DEPTOR: variants seen among roughly 807,000 people sequenced by gnomAD.
DEPTOR encodes the protein DEP domain containing MTOR interacting protein.
In DEPTOR, 41 loss-of-function variants were observed where a neutral mutation model predicts 41.6. That is an observed-to-expected ratio of 0.98 (90% CI 0.77 to 1.28). The LOEUF (loss-of-function observed/expected upper bound fraction) is 1.28, where lower values mean the gene tolerates loss of function less well. Ranked by LOEUF, DEPTOR falls within the 50% of genes most tolerant of loss-of-function variation. The pLI, the probability that DEPTOR is intolerant of heterozygous loss-of-function variation, is 0.00. For synonymous variants in DEPTOR, 195 were observed against 192.3 expected (o/e 1.01, Z -0.12); for missense variants, 514 against 527.9 (o/e 0.97, Z 0.26).
chr8:119,916,308 T>A (rs1000048898), intron 1 of DEPTOR, among the ~76,000 whole-genome samples: 2 of 130,958 alleles, frequency 1.5e-5, no homozygotes, highest in Non-Finnish European at 1.6e-5. Flanking sequence ...TTTTTAGAAA[T>A]GGGGGTTTCA....
chr8:120,006,158 T>A (rs1295938485), intron 6 of DEPTOR, among the ~76,000 whole-genome samples: 1 of 152,162 alleles, frequency 6.6e-6, no homozygotes, highest in African/African-American at 2.4e-5. Context: ...CTCTAGCATA[T>A]GTTGAGTACT....
At chr8:120,017,839 C>A (rs1812636488) in intron 8 of DEPTOR, among the ~76,000 whole-genome samples, 1 of 152,126 alleles carries the variant, frequency 6.6e-6, no homozygotes, top group Non-Finnish European at 1.5e-5. Context: ...TACCCTGTGC[C>A]AAGTCTCAGA....
At chr8:120,002,388 T>A (rs777384444) in intron 5 of DEPTOR, among the ~76,000 whole-genome samples, 3 of 152,102 alleles carry the variant, frequency 2.0e-5, no homozygotes, top group Non-Finnish European at 2.9e-5. Flanking sequence ...TTCTCCTGCC[T>A]TGGCATCCCA....
At chr8:119,908,424 A>G (rs892982388) in intron 1 of DEPTOR, among the ~76,000 whole-genome samples, 1 of 152,216 alleles carries the variant, frequency 6.6e-6, no homozygotes, top group Non-Finnish European at 1.5e-5. Flanking sequence ...CCCTGGTAGT[A>G]CAAAAAATGA....
chr8:119,887,863 C>T (rs1375926972), intron 1 of DEPTOR, among the ~76,000 whole-genome samples: 12 of 152,002 alleles, frequency 7.9e-5, no homozygotes, highest in Middle Eastern at 3.4e-3. Context: ...CTCTGTCACC[C>T]GGGCTGGAGT....
chr8:120,021,724 T>C (rs915541161), intron 8 of DEPTOR, among the ~76,000 whole-genome samples: 2 of 152,152 alleles, frequency 1.3e-5, no homozygotes, highest in Admixed American at 1.3e-4. Context: ...TAAGTAGCAA[T>C]AATAATTGCT....
rs751500146 is a variant in DEPTOR, at chr8:119,929,956, T to TC, written c.425+24dup. ...TATGAAAAGTATGTTCCGCATGAAA[T>TC]CCCCCCTGTAATCTTGACTTATAGA... On this transcript the variant is annotated intron_variant, in intron 3 of 8. Transcript: ENST00000286234. 6 of 1,602,154 alleles carry TC rather than the reference T, an allele frequency of 3.7e-6. No individual in the cohort carries two copies. The highest frequency in any genetic ancestry group is 1.7e-4 in the Middle Eastern group (1 of 6,032).
chr8:119,926,288 G>A (rs987128893), intron 1 of DEPTOR, among the ~76,000 whole-genome samples: 1 of 152,048 alleles, frequency 6.6e-6, no homozygotes, highest in Non-Finnish European at 1.5e-5. Flanking sequence ...TGATGATTCA[G>A]GTGCTCTAAA....
chr8:119,887,135 C>CCCTCCCCCCCT (rs1827376622), intron 1 of DEPTOR, among the ~76,000 whole-genome samples: 1 of 25,986 alleles, frequency 3.8e-5, no homozygotes, highest in Non-Finnish European at 6.4e-5. Flanking sequence ...CCTCCCCCCC[C>CCCTCCCCCCCT]CCTCCCCTCC....
chr8:119,901,055 G>C (rs895574364), intron 1 of DEPTOR, among the ~76,000 whole-genome samples: 5 of 152,160 alleles, frequency 3.3e-5, no homozygotes, highest in Admixed American at 3.3e-4. Context: ...GGAAGACTCA[G>C]AGATTTTAAG....
rs191189950 is a variant in DEPTOR, at chr8:119,997,303, C to T, written c.605-4222C>T. Reference sequence around the variant, plus strand: ...AGGCTGGAATGTAATGGTGTGATCACGGCTCAGTGCAGCCTCAACCTCCTG... The same window carrying T: ...AGGCTGGAATGTAATGGTGTGATCATGGCTCAGTGCAGCCTCAACCTCCTG... On this transcript the variant is annotated intron_variant, in intron 4 of 8. Coordinates refer to ENST00000286234, the MANE Select transcript of DEPTOR (RefSeq NM_022783.4). Among the ~76,000 whole-genome samples the T allele has an allele frequency of 2.1e-3, 323 of 152,122 alleles. 7 individuals are homozygous for T. Among genetic ancestry groups the T allele is most frequent in the African/African-American group, 2.1e-3 (87 of 41,516 alleles).
chr8:120,006,479 G>A (rs530615572), intron 6 of DEPTOR, among the ~76,000 whole-genome samples: 18 of 151,564 alleles, frequency 1.2e-4, no homozygotes, highest in African/African-American at 3.9e-4. Context: ...AGCCGAGATC[G>A]CATCATTGCA....
At chr8:119,974,849 A>G (rs1828677981) in intron 4 of DEPTOR, among the ~76,000 whole-genome samples, 1 of 144,276 alleles carries the variant, frequency 6.9e-6, no homozygotes, top group Non-Finnish European at 1.5e-5. Context: ...AGAAAAAAAG[A>G]TGTAACCCAG....
chr8:119,978,312 T>A (rs1212142498), intron 4 of DEPTOR, among the ~76,000 whole-genome samples: 1 of 152,142 alleles, frequency 6.6e-6, no homozygotes, highest in African/African-American at 2.4e-5. Flanking sequence ...GTTTAAGTGG[T>A]CATTTTCAGT....
chr8:119,994,916 CAA>C (rs59495312), intron 4 of DEPTOR, among the ~76,000 whole-genome samples: 7 of 51,824 alleles, frequency 1.4e-4, no homozygotes, highest in Non-Finnish European at 1.7e-4. Context: ...GACTCTGTCT[CAA>C]AAAAAAAAAA....
At chr8:119,938,859 G>A (rs79485615) in intron 3 of DEPTOR, among the ~76,000 whole-genome samples, 13,875 of 130,934 alleles carry the variant, frequency 0.11, 669 homozygotes, top group South Asian at 0.26. Flanking sequence ...CTCCCTCCCC[G>A]TTTCTCCCTC....
At chr8:119,930,687 G>T (rs905873094) in intron 3 of DEPTOR, among the ~76,000 whole-genome samples, 1 of 152,184 alleles carries the variant, frequency 6.6e-6, no homozygotes, top group Admixed American at 6.5e-5. Flanking sequence ...TGAGGAACAA[G>T]TTTCAGCCCT....
intron 4 of DEPTOR, among the ~76,000 whole-genome samples, chr8:119,973,473 C>G (rs28650977): frequency 3.3e-5 from 5 of 152,016 alleles, no homozygotes; most frequent in South Asian, 4.2e-4. Flanking sequence ...TGGGCTCAAG[C>G]GATCCTCCAG....
intron 4 of DEPTOR, among the ~76,000 whole-genome samples, chr8:119,998,646 A>G (rs2130072162): frequency 6.6e-6 from 1 of 152,272 alleles, no homozygotes; most frequent in East Asian, 1.9e-4. Flanking sequence ...AGAATCATGA[A>G]CTCAAAGTAT....
Sources: allele counts gnomAD v4.1 joint callset (sites outside exome capture counted in the v4.1 genomes callset), GRCh38; gene constraint gnomAD v4.1.1; transcripts MANE v1.5; gene names NCBI Gene and HGNC (gene_info 2026-07-23, HGNC 2026-07-21).